The following RAPGEF4 variants were observed in gnomAD, a reference collection of about 807,000 sequenced individuals.
The protein encoded by RAPGEF4 is Rap guanine nucleotide exchange factor 4.
RAPGEF4 carries 66 observed loss-of-function variants against 147.9 expected under a neutral mutation model. That is an observed-to-expected ratio of 0.45 (90% CI 0.37 to 0.55). The LOEUF is 0.55. Among genes scored for constraint, RAPGEF4 ranks in the 20% least tolerant of loss-of-function variants. The probability of loss-of-function intolerance (pLI) is 0.00; values close to 1 mark genes in which losing one functional copy is unlikely to be tolerated. For missense variants in RAPGEF4, 1,071 were observed against 1,257.3 expected (o/e 0.85, Z 2.24); for synonymous variants, 419 against 442.7 (o/e 0.95, Z 0.67).
intron 4 of RAPGEF4, among the ~76,000 whole-genome samples, chr2:172,866,138 C>G (rs1426859233): frequency 6.6e-6 from 1 of 152,134 alleles, no homozygotes; most frequent in Non-Finnish European, 1.5e-5. Flanking sequence ...CAAAACAAAA[C>G]CTTCATCTTC....
At chr2:172,965,255 C>A in intron 8 of RAPGEF4, 1 of 354,686 alleles carries the variant, frequency 2.8e-6, no homozygotes, top group Non-Finnish European at 5.2e-6. Context: ...AGTTTCTGTT[C>A]CTCTGATTAG....
chr2:172,817,194 C>T (rs1293670882), intron 4 of RAPGEF4, among the ~76,000 whole-genome samples: 2 of 152,174 alleles, frequency 1.3e-5, no homozygotes, highest in Admixed American at 1.3e-4. Context: ...TACATATATA[C>T]AAATATATAT....
chr2:172,930,258 A>G (rs1685775891), intron 6 of RAPGEF4, among the ~76,000 whole-genome samples: 1 of 152,200 alleles, frequency 6.6e-6, no homozygotes, highest in African/African-American at 2.4e-5. Flanking sequence ...TTTCAAAGTT[A>G]TAAAAACCTG....
At chr2:172,964,577 G>C (rs752942479) in intron 8 of RAPGEF4, among the ~76,000 whole-genome samples, 5 of 151,976 alleles carry the variant, frequency 3.3e-5, no homozygotes, top group Admixed American at 2.6e-4. Flanking sequence ...ATTTCAACTA[G>C]AGAGGAGCTC....
chr2:172,799,520 G>T (rs976550199), intron 3 of RAPGEF4, among the ~76,000 whole-genome samples: 7 of 152,132 alleles, frequency 4.6e-5, no homozygotes, highest in African/African-American at 7.2e-5. Flanking sequence ...ATGCTGTCCT[G>T]GTGGGGACTC....
rs1307853794 is a variant in RAPGEF4, at chr2:173,051,386, A to T, written c.2909-254A>T. 4.7e-5 allele frequency among the ~76,000 whole-genome samples: 7 copies of T among 150,022 alleles called. No individual in the cohort carries two copies. The East Asian group carries it at 1.4e-3, about 29-fold the overall frequency. ...CATGCTTCCCTTTTAATTTGGTGCC[A>T]TTTTTTTTTTACAACGTGCAATTCA... On this transcript the variant is annotated intron_variant, in intron 30 of 30. Transcript: ENST00000397081.
intron 4 of RAPGEF4, among the ~76,000 whole-genome samples, chr2:172,907,321 C>T (rs1182374670): frequency 6.6e-6 from 1 of 152,240 alleles, no homozygotes; most frequent in Non-Finnish European, 1.5e-5. Flanking sequence ...CCCTTCCCAT[C>T]CCTTCTTTCT....
chr2:173,018,833 G>A (rs758020611), intron 22 of RAPGEF4, 31 bp downstream of exon 22: 36 of 1,603,156 alleles, frequency 2.2e-5, no homozygotes. Context: ...TTTAGGCTCT[G>A]CAAAATGGGA....
intron 29 of RAPGEF4, among the ~76,000 whole-genome samples, chr2:173,043,743 C>T (rs1685064199): frequency 6.6e-6 from 1 of 152,186 alleles, no homozygotes; most frequent in Non-Finnish European, 1.5e-5. Flanking sequence ...GCCGCAAAGG[C>T]CCAGTCTGAG....
intron 17 of RAPGEF4, among the ~76,000 whole-genome samples, chr2:173,005,272 T>C (rs761751747): frequency 5.9e-5 from 9 of 152,156 alleles, no homozygotes; most frequent in Non-Finnish European, 1.2e-4. Flanking sequence ...TATTCCCAAA[T>C]TACTCTCCTA....
At chr2:172,786,622 C>T (rs1257864032) in intron 1 of RAPGEF4, among the ~76,000 whole-genome samples, 1 of 152,182 alleles carries the variant, frequency 6.6e-6, no homozygotes, top group African/African-American at 2.4e-5. Flanking sequence ...TAAGAATTGA[C>T]TCAGAGCTTT....
intron 10 of RAPGEF4, among the ~76,000 whole-genome samples, chr2:172,968,261 C>T (rs1028410256): frequency 2.0e-5 from 3 of 152,202 alleles, no homozygotes; most frequent in African/African-American, 7.2e-5. Flanking sequence ...ACGCCCTCTG[C>T]CCCACAGCCA....
intron 4 of RAPGEF4, among the ~76,000 whole-genome samples, chr2:172,847,530 G>C (rs1386554751): frequency 1.3e-5 from 2 of 152,170 alleles, no homozygotes; most frequent in Non-Finnish European, 2.9e-5. Flanking sequence ...AAGGGGACAG[G>C]ACGCATCGTG....
At chr2:173,030,541 G>T (rs1697094739) in intron 26 of RAPGEF4, among the ~76,000 whole-genome samples, 1 of 152,200 alleles carries the variant, frequency 6.6e-6, no homozygotes, top group Admixed American at 6.5e-5. Context: ...TAACATGAAG[G>T]ACCCACATTG....
intron 4 of RAPGEF4, among the ~76,000 whole-genome samples, chr2:172,869,201 C>T (rs1694952880): frequency 6.6e-6 from 1 of 152,110 alleles, no homozygotes; most frequent in Non-Finnish European, 1.5e-5. Flanking sequence ...TAGGGGACCT[C>T]AATGAGATAA....
rs1317439362 is a variant in RAPGEF4, at chr2:172,928,303, T to C, written c.537+6003T>C. 1.4e-5 allele frequency: 6 copies of C among 437,398 alleles called. No homozygotes were observed. In the East Asian group the frequency reaches 4.2e-4, roughly 31 times the overall value. The allele number at this position is 437,398 out of a possible 1,614,324, so 27.1% of individuals were successfully genotyped here. On this transcript the variant is annotated intron_variant, in intron 6 of 30. Transcript: ENST00000397081. ...TTTATTCCATCTGTTCCTCAACTCT[T>C]ACAAAAGCTAGCCATACCATCTCTC... is the stretch of plus-strand genomic sequence containing the variant.
At chr2:172,937,212 C>A (rs550106571) in intron 6 of RAPGEF4, among the ~76,000 whole-genome samples, 1 of 151,872 alleles carries the variant, frequency 6.6e-6, no homozygotes. Context: ...CAGAGCAAGA[C>A]CCTGTCTCTT....
At position 172,804,898 on chromosome 2, in the gene RAPGEF4, G is replaced by A. The variant is rs150311753; in HGVS notation, c.297+7285G>A. On this transcript the variant is annotated intron_variant, in intron 3 of 30. Transcript: ENST00000397081. ...AGGGAGGATGGAGAAAAAAGCTATC[G>A]GGCTGCAGGACTGGAATGGCTCACC... Among the ~76,000 whole-genome samples the A allele has an allele frequency of 5.7e-3, 865 of 152,282 alleles. 8 individuals carry two copies. The highest frequency in any genetic ancestry group is 0.019 in the African/African-American group (796 of 41,566).
At chr2:172,739,589 T>C (rs997838744) in intron 1 of RAPGEF4, among the ~76,000 whole-genome samples, 1 of 152,208 alleles carries the variant, frequency 6.6e-6, no homozygotes, top group African/African-American at 2.4e-5. Flanking sequence ...CAGGCTGGTC[T>C]TGGACTCCTG....
Sources: allele counts gnomAD v4.1 joint callset (sites outside exome capture counted in the v4.1 genomes callset), GRCh38; gene constraint gnomAD v4.1.1; transcripts MANE v1.5; gene names NCBI Gene and HGNC (gene_info 2026-07-23, HGNC 2026-07-21).